Variants in GPC6 observed in about 807,000 individuals in gnomAD.
GPC6 encodes the protein glypican-6.
GPC6 carries 14 observed loss-of-function variants against 55.2 expected under a neutral mutation model. The ratio of observed to expected loss-of-function variants is 0.25; its 90% CI spans 0.17 to 0.40. The LOEUF is 0.40. GPC6 is among the 10% of genes least tolerant of loss of function. The probability of loss-of-function intolerance (pLI) is 1.00; values close to 1 mark genes in which losing one functional copy is unlikely to be tolerated. For synonymous variants in GPC6, 278 were observed against 259.6 expected (o/e 1.07, Z -0.68); for missense variants, 641 against 708.5 (o/e 0.90, Z 1.08).
At chr13:94,337,095 C>T (rs557848733) in intron 6 of GPC6, among the ~76,000 whole-genome samples, 119 of 152,292 alleles carry the variant, frequency 7.8e-4, no homozygotes, top group African/African-American at 2.8e-3. Flanking sequence ...AATCTGTGGC[C>T]ACCAGCCTCA....
intron 1 of GPC6, among the ~76,000 whole-genome samples, chr13:93,273,121 A>T (rs1184052789): frequency 6.6e-6 from 1 of 152,208 alleles, no homozygotes; most frequent in Non-Finnish European, 1.5e-5. Context: ...TAGAAAGGCA[A>T]ATTGTCTCCT....
At chr13:94,143,436 A>AT (rs1160864541) in intron 4 of GPC6, among the ~76,000 whole-genome samples, 2 of 152,182 alleles carry the variant, frequency 1.3e-5, no homozygotes, top group Admixed American at 6.5e-5. Context: ...TAGAATCTAG[A>AT]TTTTTAATAT....
At chr13:93,645,164 A>C in intron 2 of GPC6, among the ~76,000 whole-genome samples, 1 of 152,096 alleles carries the variant, frequency 6.6e-6, no homozygotes, top group East Asian at 1.9e-4. Context: ...ATCTCACCTT[A>C]GAAAACTGTT....
intron 1 of GPC6, among the ~76,000 whole-genome samples, chr13:93,486,707 G>T (rs1041474767): frequency 5.3e-5 from 8 of 152,076 alleles, no homozygotes; most frequent in Admixed American, 3.9e-4. Context: ...AGCACTTTGG[G>T]AGGCCAAGGC....
At chr13:93,517,121 G>A (rs988474744) in intron 1 of GPC6, among the ~76,000 whole-genome samples, 1 of 152,018 alleles carries the variant, frequency 6.6e-6, no homozygotes, top group Non-Finnish European at 1.5e-5. Context: ...GTCACCAAAC[G>A]TTAAAGAGAA....
At chr13:94,285,576 A>G (rs1013809541) in intron 4 of GPC6, among the ~76,000 whole-genome samples, 2 of 152,196 alleles carry the variant, frequency 1.3e-5, no homozygotes, top group African/African-American at 4.8e-5. Flanking sequence ...CTGTGACTCT[A>G]TGTTAAGTCC....
chr13:93,357,912 A>G (rs746665031), intron 1 of GPC6, among the ~76,000 whole-genome samples: 17 of 152,210 alleles, frequency 1.1e-4, no homozygotes, highest in South Asian at 2.1e-4. Context: ...CTGAGAATAG[A>G]TGGTGTCTTA....
intron 1 of GPC6, among the ~76,000 whole-genome samples, chr13:93,279,721 A>G (rs1487980237): frequency 6.6e-6 from 1 of 152,208 alleles, no homozygotes; most frequent in Non-Finnish European, 1.5e-5. Context: ...TAAAATCAGT[A>G]TGATATAACT....
chr13:93,919,734 T>G (rs982424305), intron 3 of GPC6, among the ~76,000 whole-genome samples: 1 of 152,240 alleles, frequency 6.6e-6, no homozygotes, highest in African/African-American at 2.4e-5. Context: ...TGTGTCCATG[T>G]TTAACTTTGC....
At chr13:93,597,025 A>AG (rs1877784432) in intron 2 of GPC6, among the ~76,000 whole-genome samples, 1 of 146,324 alleles carries the variant, frequency 6.8e-6, no homozygotes, top group African/African-American at 2.6e-5. Context: ...AAAAAAAAAA[A>AG]AAAAAGAAAA....
intron 3 of GPC6, among the ~76,000 whole-genome samples, chr13:93,965,303 C>T (rs935013949): frequency 6.6e-6 from 1 of 151,434 alleles, no homozygotes; most frequent in Admixed American, 6.6e-5. Flanking sequence ...CCCAGCTACT[C>T]GGGAGGCTGA....
chr13:94,016,219 T>C (rs1192492855), intron 3 of GPC6, among the ~76,000 whole-genome samples: 1 of 152,230 alleles, frequency 6.6e-6, no homozygotes, highest in Non-Finnish European at 1.5e-5. Context: ...ATAGGATTTC[T>C]TTCTTTTTTA....
At chr13:93,281,797 C>T (rs9589701) in intron 1 of GPC6, among the ~76,000 whole-genome samples, 16,078 of 152,074 alleles carry the variant, frequency 0.11, 1,098 homozygotes, top group East Asian at 0.35. Context: ...GCGTGGGCGA[C>T]GGAGTGAGAC....
upstream of GPC6, among the ~76,000 whole-genome samples, chr13:93,225,513 T>G (rs319519): frequency 6.6e-4 from 37 of 56,310 alleles, no homozygotes; most frequent in South Asian, 2.7e-3. Context: ...GTTTTGTTTT[T>G]TTTTTTTTTG....
At chr13:93,680,132 A>G (rs1486254809) in intron 2 of GPC6, among the ~76,000 whole-genome samples, 2 of 152,162 alleles carry the variant, frequency 1.3e-5, no homozygotes, top group Non-Finnish European at 2.9e-5. Flanking sequence ...TAGGATGTTT[A>G]CAGAGGTAAT....
chr13:93,365,448 C>G (rs936947569), intron 1 of GPC6, among the ~76,000 whole-genome samples: 2 of 152,120 alleles, frequency 1.3e-5, no homozygotes, highest in African/African-American at 4.8e-5. Flanking sequence ...TAGTACCAAT[C>G]ACTTTGCCTT....
chr13:93,762,795 C>A (rs1255341465), intron 2 of GPC6, among the ~76,000 whole-genome samples: 1 of 152,300 alleles, frequency 6.6e-6, no homozygotes, highest in African/African-American at 2.4e-5. Flanking sequence ...TCAATTTACT[C>A]GTTGAATGAT....
intron 2 of GPC6, among the ~76,000 whole-genome samples, chr13:93,766,015 C>T (rs957589679): frequency 1.3e-5 from 2 of 152,140 alleles, no homozygotes; most frequent in African/African-American, 4.8e-5. Context: ...GTAGTAGATA[C>T]CTTGACCTTT....
intron 3 of GPC6, among the ~76,000 whole-genome samples, chr13:93,843,106 T>A (rs56970055): frequency 0.033 from 5,040 of 150,980 alleles, 256 homozygotes; most frequent in East Asian, 0.17. Context: ...AGTACTCCTA[T>A]ATCTTAAAAA....
Sources: gnomAD v4.1 joint callset for allele counts (sites outside exome capture counted in the v4.1 genomes callset) on GRCh38, gnomAD v4.1.1 for gene constraint, MANE v1.5 for transcripts, NCBI Gene and HGNC (gene_info 2026-07-23, HGNC 2026-07-21) for gene names.